The following CD82 variants were observed in gnomAD, a reference collection of about 807,000 sequenced individuals.
The protein encoded by CD82 is CD82 antigen.
CD82 carries 36 observed loss-of-function variants against 37.4 expected under a neutral mutation model. The observed-to-expected ratio is 0.96, with a 90% confidence interval of 0.74 to 1.27. CD82 has a LOEUF of 1.27. CD82 is among the 50% of genes most tolerant of loss of function. CD82 has a pLI of 0.00. For synonymous variants in CD82, 158 were observed against 137.4 expected (o/e 1.15, Z -1.05); for missense variants, 340 against 347.0 (o/e 0.98, Z 0.16).
intron 1 of CD82, among the ~76,000 whole-genome samples, chr11:44,568,183 G>T (rs140911338): frequency 6.6e-6 from 1 of 152,146 alleles, no homozygotes; most frequent in African/African-American, 2.4e-5. Flanking sequence ...AGGATCCAGC[G>T]GTCAAGGGAT....
chr11:44,564,893 A>G (rs1378815736), upstream of CD82, among the ~76,000 whole-genome samples: 1 of 152,234 alleles, frequency 6.6e-6, no homozygotes, highest in East Asian at 1.9e-4. Flanking sequence ...GCGCATTAGT[A>G]AAATAGGCGC....
chr11:44,588,804 G>A (rs1036830132), intron 2 of CD82, among the ~76,000 whole-genome samples: 2 of 152,170 alleles, frequency 1.3e-5, no homozygotes, highest in Non-Finnish European at 2.9e-5. Flanking sequence ...TGGAGGTGGT[G>A]ATTTTGGAGG....
intron 2 of CD82, among the ~76,000 whole-genome samples, chr11:44,590,180 C>T (rs989947392): frequency 6.6e-6 from 1 of 151,448 alleles, no homozygotes; most frequent in Non-Finnish European, 1.5e-5. Flanking sequence ...ATTTGATCCT[C>T]TACACCAGGG....
chr11:44,594,389 C>CCAGCCG (rs1327296931), intron 2 of CD82, among the ~76,000 whole-genome samples: 1 of 57,004 alleles, frequency 1.8e-5, no homozygotes, highest in East Asian at 2.3e-4. Flanking sequence ...TTTGCTCCCA[C>CCAGCCG]CAGCCCCAGC....
At chr11:44,618,826 C>A in intron 9 of CD82, 103 bp downstream of exon 9, 4 of 1,005,402 alleles carry the variant, frequency 4.0e-6, no homozygotes, top group Non-Finnish European at 6.0e-6. Flanking sequence ...GGCCAGCACC[C>A]CATCAGCTTC....
At chr11:44,601,451 G>T (rs1853308325) in intron 4 of CD82, among the ~76,000 whole-genome samples, 1 of 152,128 alleles carries the variant, frequency 6.6e-6, no homozygotes, top group African/African-American at 2.4e-5. Flanking sequence ...ACATTCTCCT[G>T]GCCTGTGACA....
Position 44,597,974 on chromosome 11 carries a change from C to T in CD82, c.64-2184C>T, listed in dbSNP as rs1339186695. ...CCCAGTGTCTCAGGGGCTTTTCTGTCCCGAGACTGGCTTTCTGGGTGAAGG... is the reference window on the plus strand; with the variant it reads ...CCCAGTGTCTCAGGGGCTTTTCTGTTCCGAGACTGGCTTTCTGGGTGAAGG... On this transcript the variant is annotated intron_variant, in intron 3 of 9. Transcript: ENST00000227155. This position sits in a 1 kb window ranked among gnomAD's most constrained non-coding sequence, Gnocchi z 4.1. 6.6e-6 allele frequency among the ~76,000 whole-genome samples: 1 copy of T among 152,218 alleles called. No homozygotes were observed. The highest frequency in any genetic ancestry group is 1.5e-5 in the Non-Finnish European group (1 of 68,032).
At chr11:44,574,753 A>G (rs1206476984) in intron 1 of CD82, among the ~76,000 whole-genome samples, 1 of 152,142 alleles carries the variant, frequency 6.6e-6, no homozygotes, top group African/African-American at 2.4e-5. Context: ...CACACAAACC[A>G]CTTCCTGCAC....
intron 9 of CD82, 106 bp downstream of exon 9, chr11:44,618,829 T>G (rs1853611474): frequency 3.0e-6 from 3 of 1,016,096 alleles, no homozygotes; most frequent in Non-Finnish European, 4.4e-6. Flanking sequence ...CAGCACCCCA[T>G]CAGCTTCCAG....
rs1853625674 is a variant in CD82 at position 44,619,467 on chromosome 11, A to C, written c.*341A>C. The C allele has an allele frequency of 4.6e-6, 1 of 216,274 alleles. No homozygotes were observed. The highest frequency in any genetic ancestry group is 1.1e-4 in the East Asian group (1 of 8,914). 13.4% of individuals were successfully genotyped at this position (216,274 alleles called of 1,614,324 possible). On this transcript the variant is annotated 3_prime_UTR_variant, in exon 10 of 10. Coordinates refer to ENST00000227155, the MANE Select transcript of CD82 (RefSeq NM_002231.4). Reference sequence around the variant, plus strand: ...TTGTATAGGGGCAACTGTATGAAAAATTGGGGAGGAGGGGGCCGGGCGCGG... The same window carrying C: ...TTGTATAGGGGCAACTGTATGAAAACTTGGGGAGGAGGGGGCCGGGCGCGG...
chr11:44,565,879 C>T (rs1211689767), intron 1 of CD82, 143 bp downstream of exon 1: 1 of 152,258 alleles, frequency 6.6e-6, no homozygotes, highest in Non-Finnish European at 1.5e-5. Flanking sequence ...TGAAAAGGAG[C>T]TTTAGCCACC....
intron 1 of CD82, among the ~76,000 whole-genome samples, chr11:44,577,187 G>A (rs1852905328): frequency 6.6e-6 from 1 of 152,162 alleles, no homozygotes; most frequent in African/African-American, 2.4e-5. Flanking sequence ...GGTGCTGTGG[G>A]GAAGGAGGGG....
chr11:44,573,217 C>T (rs1168314208), intron 1 of CD82: 2 of 152,214 alleles, frequency 1.3e-5, no homozygotes, highest in South Asian at 2.1e-4. Context: ...ACACATAAAC[C>T]GTTTTGAATG....
Position 44,597,397 on chromosome 11 carries a change from C to G in CD82, c.63+2672C>G, listed in dbSNP as rs548327911. Among the ~76,000 whole-genome samples, 51 of 152,336 alleles carry G rather than the reference C, an allele frequency of 3.3e-4. No individual in the cohort carries two copies. The highest frequency in any genetic ancestry group is 1.1e-3 in the African/African-American group (47 of 41,580). ...TTAACATGGGGCCTGCCCCACAGCT[C>G]CAGTCTTGGTTCACAGAGAAAAAGG... On this transcript the variant is annotated intron_variant, in intron 3 of 9. Coordinates refer to ENST00000227155, the MANE Select transcript of CD82 (RefSeq NM_002231.4). This position sits in a 1 kb window ranked among gnomAD's most constrained non-coding sequence, Gnocchi z 4.1.
intron 1 of CD82, among the ~76,000 whole-genome samples, chr11:44,572,491 T>C (rs1331845773): frequency 6.6e-6 from 1 of 152,216 alleles, no homozygotes; most frequent in African/African-American, 2.4e-5. Context: ...TGTGAATAAA[T>C]CATATTTTTT....
At chr11:44,591,504 A>T (rs376894951) in intron 2 of CD82, among the ~76,000 whole-genome samples, 3 of 152,158 alleles carry the variant, frequency 2.0e-5, no homozygotes, top group South Asian at 2.1e-4. Flanking sequence ...CTGAGCAGTC[A>T]TTTTGTCCTC....
At chr11:44,567,144 G>A (rs1251741194) in intron 1 of CD82, among the ~76,000 whole-genome samples, 1 of 152,164 alleles carries the variant, frequency 6.6e-6, no homozygotes, top group Non-Finnish European at 1.5e-5. Flanking sequence ...GATTTCATGG[G>A]TCTGTTCTGC....
chr11:44,566,231 G>A (rs1199197290), intron 1 of CD82: 2 of 152,252 alleles, frequency 1.3e-5, no homozygotes, highest in African/African-American at 4.8e-5. Context: ...AAGCAGGGAG[G>A]TTCCATTTCC....
intron 3 of CD82, among the ~76,000 whole-genome samples, chr11:44,598,337 C>T (rs1446749483): frequency 1.4e-5 from 2 of 148,066 alleles, no homozygotes; most frequent in Non-Finnish European, 3.0e-5. Context: ...ATTGATAATA[C>T]TGATACTGTC....
Sources: gnomAD v4.1 joint callset for allele counts (sites outside exome capture counted in the v4.1 genomes callset) on GRCh38, gnomAD v4.1.1 for gene constraint, Gnocchi (gnomAD v3.1) non-coding constraint, MANE v1.5 for transcripts, NCBI Gene and HGNC (gene_info 2026-07-23, HGNC 2026-07-21) for gene names.